The following CSMD3 variants were observed in gnomAD, a reference collection of about 807,000 sequenced individuals.
CSMD3 encodes the protein CUB and sushi domain-containing protein 3.
CSMD3 carries 177 observed loss-of-function variants against 435.2 expected under a neutral mutation model. The observed-to-expected ratio is 0.41, with a 90% CI of 0.36 to 0.46. The LOEUF is 0.46. Among genes scored for constraint, CSMD3 ranks in the 20% least tolerant of loss-of-function variants. The pLI is 0.34. For missense variants in CSMD3, 4,265 were observed against 4,504.6 expected (o/e 0.95, Z 1.52); for synonymous variants, 1,656 against 1,520.5 (o/e 1.09, Z -2.07).
chr8:113,096,511 T>C (rs919376611), intron 5 of CSMD3, among the ~76,000 whole-genome samples: 6 of 152,100 alleles, frequency 3.9e-5, no homozygotes, highest in Admixed American at 3.3e-4. Flanking sequence ...TCTGTTCTTT[T>C]AGCTTTCCCT....
chr8:112,522,632 T>C (rs1586590137), intron 27 of CSMD3, among the ~76,000 whole-genome samples: 2 of 151,946 alleles, frequency 1.3e-5, no homozygotes, highest in Non-Finnish European at 2.9e-5. Flanking sequence ...TGAAGGTTTA[T>C]TTATAATATG....
chr8:112,826,627 T>A (rs1177560863), intron 12 of CSMD3, among the ~76,000 whole-genome samples: 1 of 152,174 alleles, frequency 6.6e-6, no homozygotes, highest in African/African-American at 2.4e-5. Context: ...CTGCTCTTTT[T>A]CCTCTCCTTG....
At chr8:112,514,597 T>C (rs954375331) in intron 28 of CSMD3, among the ~76,000 whole-genome samples, 2 of 152,162 alleles carry the variant, frequency 1.3e-5, no homozygotes, top group African/African-American at 4.8e-5. Flanking sequence ...TACCTTCATA[T>C]TGAATGCTTC....
chr8:113,036,082 G>C (rs901714034), intron 5 of CSMD3, among the ~76,000 whole-genome samples: 2 of 151,792 alleles, frequency 1.3e-5, no homozygotes, highest in Non-Finnish European at 2.9e-5. Context: ...AAATGAGCTA[G>C]CTACTTACTT....
chr8:112,406,684 T>G lies in CSMD3; in HGVS notation c.5649A>C (p.Glu1883Asp). 1 of 1,611,938 alleles carries G rather than the reference T, an allele frequency of 6.2e-7. No individual in the cohort carries two copies. The highest frequency in any genetic ancestry group is 8.5e-7 in the Non-Finnish European group (1 of 1,178,476). ...TGCCAATTCTTCTTCCGAATCTTGGTTCAGGCACAGAACTGCATTGTGTAG... is the reference window on the plus strand; with the variant it reads ...TGCCAATTCTTCTTCCGAATCTTGGGTCAGGCACAGAACTGCATTGTGTAG... ...TSSTQCSSVP[E>D]PRFGRRIGNE... The change falls in exon 35 of 71, where the codon GAA becomes GAC. Residue 1883 changes from glutamate (E) to aspartate (D), a missense_variant. This residue lies in a region of CSMD3 where 3,255 missense variants were observed against 3,380.2 expected (regional missense o/e 0.96). Transcript: ENST00000297405.
intron 3 of CSMD3, among the ~76,000 whole-genome samples, chr8:113,199,995 C>A (rs2092700232): frequency 6.6e-6 from 1 of 151,820 alleles, no homozygotes; most frequent in African/African-American, 2.4e-5. Context: ...CAGTCCAAAT[C>A]TCCTCTGTGC....
intron 13 of CSMD3, among the ~76,000 whole-genome samples, chr8:112,732,278 GC>G (rs2077090616): frequency 2.6e-5 from 4 of 152,090 alleles, no homozygotes; most frequent in Admixed American, 2.6e-4. Context: ...CACAGAGATA[GC>G]CCACAAACAG....
intron 57 of CSMD3, among the ~76,000 whole-genome samples, chr8:112,288,104 T>C (rs1218262834): frequency 6.6e-6 from 1 of 152,098 alleles, no homozygotes; most frequent in Admixed American, 6.6e-5. Flanking sequence ...CCTTTTTATA[T>C]GCCTTGTGTA....
intron 4 of CSMD3, among the ~76,000 whole-genome samples, chr8:113,103,856 A>C (rs1035703486): frequency 6.6e-6 from 1 of 152,114 alleles, no homozygotes; most frequent in Non-Finnish European, 1.5e-5. Context: ...ATAGTTCACT[A>C]TGATTTCACA....
At chr8:113,219,592 G>T (rs1470427225) in intron 3 of CSMD3, among the ~76,000 whole-genome samples, 1 of 151,346 alleles carries the variant, frequency 6.6e-6, no homozygotes, top group African/African-American at 2.4e-5. Context: ...AGAGAAGATG[G>T]ATAGCTATTT....
intron 40 of CSMD3, among the ~76,000 whole-genome samples, chr8:112,350,747 G>A (rs1450067445): frequency 6.6e-6 from 1 of 151,992 alleles, no homozygotes; most frequent in East Asian, 1.9e-4. Context: ...TATCTTGACT[G>A]CCTGACACCA....
chr8:112,392,942 T>G (rs1229108244), intron 35 of CSMD3, among the ~76,000 whole-genome samples: 1 of 149,138 alleles, frequency 6.7e-6, no homozygotes, highest in Non-Finnish European at 1.5e-5. Flanking sequence ...TATAGCTCAC[T>G]GCAGCCTCAA....
At position 112,509,852 on chromosome 8, in the gene CSMD3, TAC is replaced by T. The variant is rs564602785; in HGVS notation, c.4757-3025_4757-3024del. ...GATAACACCTTTCCCTATCTCCTCC[TAC>T]AGATTTCTTGGCTGAACTCTAAACC... On this transcript the variant is annotated intron_variant, in intron 28 of 70. Transcript: ENST00000297405. Among the ~76,000 whole-genome samples the T allele has an allele frequency of 2.5e-3, 380 of 152,324 alleles. 5 individuals carry two copies. The highest frequency in any genetic ancestry group is 0.021 in the Admixed American group (328 of 15,302).
At chr8:112,868,826 T>G (rs912807773) in intron 10 of CSMD3, among the ~76,000 whole-genome samples, 1 of 152,128 alleles carries the variant, frequency 6.6e-6, no homozygotes, top group Non-Finnish European at 1.5e-5. Context: ...AATAATGAAA[T>G]TGGGCCCTTG....
At chr8:112,918,092 T>A (rs1260215720) in intron 10 of CSMD3, among the ~76,000 whole-genome samples, 1 of 151,974 alleles carries the variant, frequency 6.6e-6, no homozygotes, top group Admixed American at 6.6e-5. Context: ...GTTTTGTGTT[T>A]ACGCCTTATA....
chr8:113,167,779 T>C (rs2092182403), intron 4 of CSMD3, among the ~76,000 whole-genome samples: 1 of 152,188 alleles, frequency 6.6e-6, no homozygotes, highest in Non-Finnish European at 1.5e-5. Flanking sequence ...AACTTGCTTG[T>C]TCTTTAAAAG....
At chr8:113,298,030 C>T (rs1398312220) in intron 2 of CSMD3, among the ~76,000 whole-genome samples, 2 of 151,928 alleles carry the variant, frequency 1.3e-5, no homozygotes, top group Non-Finnish European at 2.9e-5. Context: ...ATACAACACA[C>T]AGTAAGTACA....
At chr8:113,151,785 T>C (rs2091812426) in intron 4 of CSMD3, among the ~76,000 whole-genome samples, 1 of 152,012 alleles carries the variant, frequency 6.6e-6, no homozygotes, top group Admixed American at 6.6e-5. Context: ...TCTGACATTA[T>C]CTTATGATAT....
intron 31 of CSMD3, among the ~76,000 whole-genome samples, chr8:112,480,723 T>C (rs1819550235): frequency 6.6e-6 from 1 of 152,152 alleles, no homozygotes; most frequent in African/African-American, 2.4e-5. Context: ...ACTAGAAGCA[T>C]GGCAGACCAC....
Sources: allele counts gnomAD v4.1 joint callset (sites outside exome capture counted in the v4.1 genomes callset), GRCh38; gene constraint gnomAD v4.1.1; regional missense constraint gnomAD v4.1.1; transcripts MANE v1.5; gene names NCBI Gene and HGNC (gene_info 2026-07-23, HGNC 2026-07-21).